Variants in PADI4 observed in about 807,000 individuals in gnomAD.
The protein encoded by PADI4 is protein-arginine deiminase type-4.
In PADI4, 62 loss-of-function variants were observed where a neutral mutation model predicts 75.0. The observed-to-expected ratio is 0.83, with a 90% confidence interval of 0.67 to 1.02. The LOEUF is 1.02. PADI4 is among the 50% of genes least tolerant of loss of function. PADI4 has a pLI of 0.00. For missense variants in PADI4, 845 were observed against 850.5 expected, an observed-to-expected ratio of 0.99 and a Z score of 0.08; for synonymous variants, 361 against 348.1, an observed-to-expected ratio of 1.04 and a Z score of -0.41.
At position 17,339,223 on chromosome 1, in the gene PADI4, C is replaced by T. The variant is rs145671827; in HGVS notation, c.527-465C>T. ...CTTGGGAACCATCTCTTCACTCTCCCCACCCTCTACCCCTTCTTGGCTATT... is the reference window on the plus strand; with the variant it reads ...CTTGGGAACCATCTCTTCACTCTCCTCACCCTCTACCCCTTCTTGGCTATT... On this transcript the variant is annotated intron_variant, in intron 5 of 15. Transcript: ENST00000375448. Among the ~76,000 whole-genome samples, 825 of 152,280 alleles carry T rather than the reference C, an allele frequency of 5.4e-3. 10 individuals are homozygous for T. The highest frequency in any genetic ancestry group is 0.019 in the African/African-American group (789 of 41,552).
At chr1:17,313,058 C>T (rs560735037) in intron 1 of PADI4, among the ~76,000 whole-genome samples, 7 of 151,940 alleles carry the variant, frequency 4.6e-5, no homozygotes, top group Non-Finnish European at 7.4e-5. Flanking sequence ...AGCATGGTGG[C>T]GTGCGCCTGT....
intron 10 of PADI4, among the ~76,000 whole-genome samples, chr1:17,353,483 C>T (rs923651628): frequency 2.0e-5 from 3 of 152,080 alleles, no homozygotes; most frequent in Non-Finnish European, 4.4e-5. Context: ...CACACCTGGG[C>T]ACATAATTTG....
At chr1:17,351,965 G>C (rs866427043) in intron 10 of PADI4, among the ~76,000 whole-genome samples, 3 of 66,240 alleles carry the variant, frequency 4.5e-5, no homozygotes, top group African/African-American at 2.7e-4. Context: ...GAGGAGAGGC[G>C]GCCAGGGAGG....
chr1:17,356,633 C>T lies in PADI4; in HGVS notation c.1558+174C>T, dbSNP rs893302136. 1.3e-5 allele frequency among the ~76,000 whole-genome samples: 2 copies of T among 152,196 alleles called. No homozygotes were observed. The highest frequency in any genetic ancestry group is 4.8e-5 in the African/African-American group (2 of 41,454). ...TGAACAGGGCAGAACAGCTTGCTGC[C>T]CTGTGGGCTCACAGGCCAGGGGGAA... is the stretch of plus-strand genomic sequence containing the variant. On this transcript the variant is annotated intron_variant, in intron 13 of 15. Transcript: ENST00000375448. This position sits in a 1 kb window ranked among gnomAD's most constrained non-coding sequence, Gnocchi z 4.1.
chr1:17,323,123 G>A (rs1297589008), intron 1 of PADI4, among the ~76,000 whole-genome samples: 1 of 152,132 alleles, frequency 6.6e-6, no homozygotes, highest in Non-Finnish European at 1.5e-5. Context: ...GGCCTTGCAG[G>A]GTGTTGGAAC....
In PADI4 at chr1:17,346,932, T is replaced by C. The variant is rs2074526929; in HGVS notation, c.1047+793T>C. ...CCCCACACAACATCCTTTCTTCCTT[T>C]CTTGCCATTCCATCTTTTCTTTTCT... On this transcript the variant is annotated intron_variant, in intron 9 of 15. Coordinates refer to ENST00000375448, the MANE Select transcript of PADI4 (RefSeq NM_012387.3). This position sits in a 1 kb window ranked among gnomAD's most constrained non-coding sequence, Gnocchi z 4.3. 6.6e-6 allele frequency among the ~76,000 whole-genome samples: 1 copy of C among 151,904 alleles called. No individual in the cohort carries two copies. The highest frequency in any genetic ancestry group is 1.9e-4 in the East Asian group (1 of 5,174).
Position 17,363,876 on chromosome 1 carries a change from T to C in PADI4, c.*121T>C. 1.5e-6 allele frequency: 1 copy of C among 649,646 alleles called. No homozygotes were observed. Among genetic ancestry groups the C allele is most frequent in the Non-Finnish European group, 2.7e-6 (1 of 365,436 alleles). 40.2% of individuals were successfully genotyped at this position (649,646 alleles called of 1,614,324 possible). On this transcript the variant is annotated 3_prime_UTR_variant, in exon 16 of 16. Transcript: ENST00000375448. Reference sequence around the variant, plus strand: ...TGGGGGCGGCCAGCCCTCCCAGCAGTGGCTTGCTTTCTTCTCCTGTGATGT... The same window carrying C: ...TGGGGGCGGCCAGCCCTCCCAGCAGCGGCTTGCTTTCTTCTCCTGTGATGT...
At chr1:17,326,267 T>C (rs888628394) in intron 1 of PADI4, among the ~76,000 whole-genome samples, 14 of 152,252 alleles carry the variant, frequency 9.2e-5, no homozygotes, top group Admixed American at 7.2e-4. Context: ...CTTCCAACTT[T>C]ATTTTATTTT....
In PADI4 at chr1:17,363,676, T is replaced by A. The variant is rs1053804616; in HGVS notation, c.1913T>A (p.Ile638Asn). ...ATCAACGACTTCTTCACCTACCACA[T>A]CAGGCATGGGGAGGTGCACTGCGGC... ...TFINDFFTYH[I>N]RHGEVHCGTN... is the part of the protein sequence containing the mutation. The change falls in exon 16 of 16, where the codon ATC (isoleucine) becomes AAC (asparagine). Residue 638 changes from isoleucine to asparagine, a missense_variant. Physicochemically the swap from Ile to Asn is moderately radical, Grantham distance 149. Transcript: ENST00000375448. 4 of 1,614,146 alleles carry A rather than the reference T, an allele frequency of 2.5e-6. No homozygotes were observed. The highest frequency in any genetic ancestry group is 3.4e-6 in the Non-Finnish European group (4 of 1,179,952).
At chr1:17,317,254 T>G (rs1012024079) in intron 1 of PADI4, among the ~76,000 whole-genome samples, 2 of 150,784 alleles carry the variant, frequency 1.3e-5, no homozygotes, top group African/African-American at 2.4e-5. Flanking sequence ...CATAAGAAAA[T>G]AGCAATAACA....
Position 17,336,168 on chromosome 1 carries a change from T to C in PADI4, c.350T>C (p.Leu117Ser), listed in dbSNP as rs773850942. ...LLYLTGVEISLCADITRTGKV... is the reference protein window; with the variant it reads ...LLYLTGVEISSCADITRTGKV... Reference sequence around the variant, plus strand: ...CTTGATGGGATTTCAGAAATCTCCTTGTGCGCAGACATCACCCGCACCGGC... The same window carrying C: ...CTTGATGGGATTTCAGAAATCTCCTCGTGCGCAGACATCACCCGCACCGGC... The change falls in exon 4 of 16, where the codon TTG (leucine) becomes TCG (serine). Residue 117 changes from leucine to serine, a missense_variant. Leu to Ser is a moderately radical substitution (Grantham distance 145). Coordinates refer to ENST00000375448, the MANE Select transcript of PADI4 (RefSeq NM_012387.3). 1.9e-6 allele frequency: 3 copies of C among 1,612,632 alleles called. No homozygotes were observed. Among genetic ancestry groups the C allele is most frequent in the Non-Finnish European group, 2.5e-6 (3 of 1,178,722 alleles).
intron 10 of PADI4, among the ~76,000 whole-genome samples, chr1:17,352,005 A>ATGAGAGG (rs1553148983): frequency 9.4e-5 from 2 of 21,202 alleles, no homozygotes; most frequent in African/African-American, 7.1e-4. Context: ...CAGGGAGGTG[A>ATGAGAGG]TGGGAGGAGA....
rs2073923097 is a variant in PADI4, at chr1:17,315,835, C to T, written c.92+7521C>T. Among the ~76,000 whole-genome samples the T allele has an allele frequency of 1.3e-5, 2 of 151,952 alleles. 1 individual carries two copies. Among genetic ancestry groups the T allele is most frequent in the African/African-American group, 4.8e-5 (2 of 41,244 alleles). ...CCATTTTTGGAGAAAATTCTGGGAT[C>T]CTACACTGGGTTCCCATTCAGGGGC... On this transcript the variant is annotated intron_variant, in intron 1 of 15. Coordinates refer to ENST00000375448, the MANE Select transcript of PADI4 (RefSeq NM_012387.3).
intron 1 of PADI4, among the ~76,000 whole-genome samples, chr1:17,323,506 A>G (rs2074066264): frequency 1.3e-5 from 2 of 152,214 alleles, no homozygotes; most frequent in South Asian, 4.1e-4. Context: ...CTCTTAATAT[A>G]GAGACAAATA....
At chr1:17,348,974 G>A (rs1388268627) in intron 10 of PADI4, among the ~76,000 whole-genome samples, 1 of 152,174 alleles carries the variant, frequency 6.6e-6, no homozygotes. Context: ...CCCAAGGGAG[G>A]GGAGAGTGGC....
chr1:17,359,488 G>A (rs1211405662), intron 15 of PADI4, 80 bp downstream of exon 15: 70 of 1,586,524 alleles, frequency 4.4e-5, no homozygotes, highest in South Asian at 1.2e-4. Flanking sequence ...GCACCCGGGC[G>A]GTCCCAGAGG....
chr1:17,355,556 T>G (rs1042030347), intron 11 of PADI4, among the ~76,000 whole-genome samples: 29 of 142,660 alleles, frequency 2.0e-4, no homozygotes, highest in Non-Finnish European at 1.1e-4. Flanking sequence ...AAAAAAAAAG[T>G]GAGGAAGAAC....
intron 1 of PADI4, among the ~76,000 whole-genome samples, chr1:17,328,205 G>T (rs1333131721): frequency 6.6e-6 from 1 of 151,806 alleles, no homozygotes; most frequent in Non-Finnish European, 1.5e-5. Flanking sequence ...TTTATTTTTT[G>T]TACAGACAGG....
intron 15 of PADI4, among the ~76,000 whole-genome samples, chr1:17,361,314 G>A (rs1269962933): frequency 1.3e-5 from 2 of 152,272 alleles, no homozygotes; most frequent in African/African-American, 2.4e-5. Context: ...GTTTGGCCAA[G>A]CCAGGCTTCC....
Sources: allele counts gnomAD v4.1 joint callset (sites outside exome capture counted in the v4.1 genomes callset), GRCh38; gene constraint gnomAD v4.1.1; non-coding constraint Gnocchi (gnomAD v3.1); transcripts MANE v1.5; gene names NCBI Gene and HGNC (gene_info 2026-07-23, HGNC 2026-07-21).